Variants in OR2L13 observed in about 807,000 individuals in gnomAD.
OR2L13 encodes olfactory receptor family 2 subfamily L member 13, also known as olfactory receptor 2L13.
In OR2L13, 14 loss-of-function variants were observed where a neutral mutation model predicts 15.3. The observed-to-expected ratio is 0.91, with a 90% CI of 0.60 to 1.43. The LOEUF is 1.43. OR2L13 is among the 40% of genes most tolerant of loss of function. The pLI is 0.00. For missense variants in OR2L13, 367 were observed against 387.9 expected (o/e 0.95, Z 0.45); for synonymous variants, 152 against 142.9 (o/e 1.06, Z -0.45).
chr1:248,056,951 T>C, the OR2L13 span, among the ~76,000 whole-genome samples: 3 of 152,026 alleles, frequency 2.0e-5, no homozygotes, highest in Non-Finnish European at 4.4e-5. Flanking sequence ...TGCCTGGCCT[T>C]GAGGGGGCTT....
chr1:248,068,247 C>G, the OR2L13 span, among the ~76,000 whole-genome samples: 13 of 152,114 alleles, frequency 8.5e-5, no homozygotes, highest in Non-Finnish European at 1.5e-4. Context: ...GAGGCACCCC[C>G]CAGTAGGGGC....
At chr1:248,016,019 C>G in the OR2L13 span, among the ~76,000 whole-genome samples, 15 of 152,194 alleles carry the variant, frequency 9.9e-5, no homozygotes, top group African/African-American at 3.4e-4. Flanking sequence ...ATGAATAACG[C>G]TCTTCAAATC....
chr1:248,099,083 G>A (rs1664792047), intron 2 of OR2L13, among the ~76,000 whole-genome samples: 1 of 152,104 alleles, frequency 6.6e-6, no homozygotes, highest in Non-Finnish European at 1.5e-5. Context: ...TTGTTCTACT[G>A]CTCACACTGG....
chr1:247,995,994 C>A, the OR2L13 span, among the ~76,000 whole-genome samples: 1 of 152,300 alleles, frequency 6.6e-6, no homozygotes, highest in East Asian at 1.9e-4. Flanking sequence ...CGCTTCTCCA[C>A]CAATCAGCAA....
chr1:247,969,816 A>G, the OR2L13 span, among the ~76,000 whole-genome samples: 6 of 152,188 alleles, frequency 3.9e-5, no homozygotes, highest in African/African-American at 1.4e-4. Flanking sequence ...GATGAGATCT[A>G]CATGGTGATC....
the OR2L13 span, among the ~76,000 whole-genome samples, chr1:248,070,785 A>C: frequency 1.2e-3 from 184 of 152,364 alleles, no homozygotes; most frequent in African/African-American, 4.3e-3. Context: ...AAAAAATGAT[A>C]AAGTGGATAT....
the OR2L13 span, among the ~76,000 whole-genome samples, chr1:248,037,875 C>A: frequency 1.2e-4 from 19 of 152,236 alleles, no homozygotes; most frequent in African/African-American, 4.6e-4. Context: ...ACAGTGCCTA[C>A]CTTGTTCTCC....
the OR2L13 span, among the ~76,000 whole-genome samples, chr1:248,071,463 G>A: frequency 1.3e-5 from 2 of 152,164 alleles, no homozygotes; most frequent in African/African-American, 4.8e-5. Flanking sequence ...ATTAGGTATT[G>A]ATGGGACATA....
chr1:247,988,715 A>T, the OR2L13 span, among the ~76,000 whole-genome samples: 174 of 152,272 alleles, frequency 1.1e-3, 7 homozygotes, highest in East Asian at 0.031. Context: ...AAAGTCGTCC[A>T]CTGATGTCTT....
At chr1:248,006,874 C>T in the OR2L13 span, among the ~76,000 whole-genome samples, 58 of 152,260 alleles carry the variant, frequency 3.8e-4, 1 homozygote, top group African/African-American at 1.2e-3. Context: ...TCAGTCACTT[C>T]GTCTTAAATT....
upstream of OR2L13, among the ~76,000 whole-genome samples, chr1:248,096,322 G>T (rs1000128152): frequency 7.2e-5 from 11 of 151,730 alleles, no homozygotes; most frequent in African/African-American, 2.4e-4. Context: ...GGCGGAGCTT[G>T]CAGTGAGCCA....
At chr1:248,032,663 G>GT in the OR2L13 span, among the ~76,000 whole-genome samples, 6 of 152,076 alleles carry the variant, frequency 3.9e-5, no homozygotes, top group East Asian at 5.8e-4. Context: ...TTTCATCTAT[G>GT]TTGTAGCATG....
chr1:248,075,983 T>C, the OR2L13 span, among the ~76,000 whole-genome samples: 922 of 152,290 alleles, frequency 6.1e-3, 8 homozygotes, highest in African/African-American at 0.021. Context: ...TGGTTTTAGG[T>C]CTAACATTTA....
Position 248,100,146 on chromosome 1 carries a change from C to T in OR2L13, c.771C>T (p.Thr257=), listed in dbSNP as rs778280750. The T allele has an allele frequency of 3.1e-6, 5 of 1,614,096 alleles. No individual in the cohort carries two copies. In the East Asian group the frequency reaches 1.1e-4, roughly 36 times the overall value. The change falls in exon 3 of 3, where the codon ACC becomes ACT. Residue 257 remains threonine (T), a synonymous_variant. Transcript: ENST00000641714. ...TTTACTATGCACCTTTTGTCTACAC[C>T]TATCTTCGGCCCAGGAATCTCCGCT...
chr1:248,045,225 A>T, the OR2L13 span, among the ~76,000 whole-genome samples: 1 of 152,226 alleles, frequency 6.6e-6, no homozygotes, highest in Admixed American at 6.5e-5. Flanking sequence ...AATGTAAAAT[A>T]AACAGCCCAG....
upstream of OR2L13, chr1:248,095,078 T>C (rs1294878251): frequency 2.0e-5 from 3 of 152,150 alleles, no homozygotes; most frequent in Non-Finnish European, 4.4e-5. Flanking sequence ...GTGACCAAGG[T>C]TTTGGCCCCC....
chr1:247,968,147 T>C, the OR2L13 span, among the ~76,000 whole-genome samples: 1 of 152,002 alleles, frequency 6.6e-6, no homozygotes, highest in East Asian at 1.9e-4. Flanking sequence ...TGAATAATCA[T>C]AATAACCATA....
the OR2L13 span, among the ~76,000 whole-genome samples, chr1:247,958,402 A>G: frequency 6.6e-6 from 1 of 152,174 alleles, no homozygotes; most frequent in African/African-American, 2.4e-5. Context: ...GTGGTGCTGA[A>G]AAAAATGTGT....
the OR2L13 span, among the ~76,000 whole-genome samples, chr1:247,943,202 C>T: frequency 3.2e-3 from 479 of 152,006 alleles, no homozygotes; most frequent in Non-Finnish European, 3.8e-3. Flanking sequence ...AACAGAGTAA[C>T]AAATAAGTGG....
Sources: gnomAD v4.1 joint callset for allele counts (sites outside exome capture counted in the v4.1 genomes callset) on GRCh38, gnomAD v4.1.1 for gene constraint, MANE v1.5 for transcripts, NCBI Gene and HGNC (gene_info 2026-07-23, HGNC 2026-07-21) for gene names.